Variants in NFYC observed in about 807,000 individuals in gnomAD.
The protein encoded by NFYC is nuclear transcription factor Y subunit gamma.
In NFYC, 25 loss-of-function variants were observed where a neutral mutation model predicts 53.1. The observed-to-expected ratio is 0.47, with a 90% confidence interval of 0.34 to 0.66. NFYC has a LOEUF of 0.66. NFYC is among the 30% of genes least tolerant of loss of function. The pLI is 0.01. For missense variants in NFYC, 260 were observed against 422.7 expected (o/e 0.62, Z 3.38); for synonymous variants, 145 against 152.6 (o/e 0.95, Z 0.37).
Position 40,747,802 on chromosome 1 carries a change from T to C in NFYC, c.177+197T>C, listed in dbSNP as rs150128766. ...GTTTTGGTTACTATATGGATCATCCTGAAAATTTTTTAGATGTTGAAAAAA... is the reference window on the plus strand; with the variant it reads ...GTTTTGGTTACTATATGGATCATCCCGAAAATTTTTTAGATGTTGAAAAAA... On this transcript the variant is annotated intron_variant, in intron 3 of 9. Coordinates refer to ENST00000447388, the MANE Select transcript of NFYC (RefSeq NM_014223.5). Among the ~76,000 whole-genome samples the C allele has an allele frequency of 9.9e-4, 150 of 151,860 alleles. 2 individuals are homozygous for C. In the East Asian group the frequency reaches 0.025, roughly 26 times the overall value.
At position 40,771,325 on chromosome 1, in the gene NFYC, C is replaced by T. The variant is rs1249316924; in HGVS notation, c.*497C>T. 15 of 402,358 alleles carry T rather than the reference C, an allele frequency of 3.7e-5. No homozygotes were observed. Among genetic ancestry groups the T allele is most frequent in the Middle Eastern group, 5.5e-4 (1 of 1,826 alleles). 24.9% of individuals were successfully genotyped at this position (402,358 alleles called of 1,614,324 possible). On this transcript the variant is annotated 3_prime_UTR_variant, in exon 10 of 10. Transcript: ENST00000447388. ...GAATGTGTGTAGCTGCTTTTTCACT[C>T]GTGGTCCTCTCCCCATCCCTTGCTC...
chr1:40,763,310 A>G (rs1342930062), intron 7 of NFYC: 2 of 473,302 alleles, frequency 4.2e-6, no homozygotes, highest in African/African-American at 2.0e-5. Context: ...ATACCTTGAT[A>G]TATATATAGA....
chr1:40,766,517 A>T, intron 7 of NFYC, 79 bp from the exon 8 acceptor site: 1 of 1,070,784 alleles, frequency 9.3e-7, no homozygotes, highest in Non-Finnish European at 1.4e-6. Context: ...GGCAATCAAC[A>T]TCTCTGGTCA....
intron 1 of NFYC, among the ~76,000 whole-genome samples, chr1:40,720,130 C>T (rs1644277116): frequency 1.3e-5 from 2 of 152,130 alleles, no homozygotes; most frequent in Non-Finnish European, 2.9e-5. Context: ...TGTCTCATTT[C>T]ATGTCGTTTT....
At chr1:40,769,494 T>C (rs1053894109) in intron 9 of NFYC, 79 bp downstream of exon 9, 8 of 1,230,420 alleles carry the variant, frequency 6.5e-6, no homozygotes, top group Non-Finnish European at 8.4e-6. Flanking sequence ...GTTTGGATGG[T>C]TAGGGCAACT....
chr1:40,768,169 G>A (rs1646913076), intron 8 of NFYC, among the ~76,000 whole-genome samples: 1 of 152,170 alleles, frequency 6.6e-6, no homozygotes, highest in Non-Finnish European at 1.5e-5. Context: ...TGAATAATAT[G>A]TAAATAAAAT....
chr1:40,702,209 A>G (rs11208725), intron 1 of NFYC, among the ~76,000 whole-genome samples: 43,157 of 152,108 alleles, frequency 0.28, 7,547 homozygotes, highest in East Asian at 0.41. Flanking sequence ...CTTAAGGTCC[A>G]TTTATTAGTT....
intron 1 of NFYC, among the ~76,000 whole-genome samples, chr1:40,711,234 A>G (rs967401232): frequency 3.9e-5 from 6 of 152,208 alleles, no homozygotes; most frequent in Non-Finnish European, 5.9e-5. Flanking sequence ...GTTTTGGGGA[A>G]TTAGAATGCT....
At chr1:40,769,579 CT>C (rs1646982923) in intron 9 of NFYC, among the ~76,000 whole-genome samples, 164 bp downstream of exon 9, 1 of 152,116 alleles carries the variant, frequency 6.6e-6, no homozygotes, top group African/African-American at 2.4e-5. Context: ...GGCACCTATC[CT>C]TTAGTTTTAT....
intron 6 of NFYC, among the ~76,000 whole-genome samples, chr1:40,762,525 T>C (rs553728827): frequency 2.0e-5 from 3 of 152,238 alleles, no homozygotes; most frequent in Admixed American, 6.5e-5. Flanking sequence ...CAGACTTGAC[T>C]TTGGCTATTT....
At position 40,728,881 on chromosome 1, in the gene NFYC, G is replaced by T. The variant is rs532903980; in HGVS notation, c.-8-9955G>T. Among the ~76,000 whole-genome samples the T allele has an allele frequency of 1.8e-3, 274 of 152,232 alleles. 1 individual carries two copies. The highest frequency in any genetic ancestry group is 6.3e-3 in the African/African-American group (263 of 41,556). ...TCGAACTCCTGACCTCAGGTTATCCGCCCGCCTTGGCCTCCCAAAGTGTTG... is the reference window on the plus strand; with the variant it reads ...TCGAACTCCTGACCTCAGGTTATCCTCCCGCCTTGGCCTCCCAAAGTGTTG... On this transcript the variant is annotated intron_variant, in intron 1 of 9. Coordinates refer to ENST00000447388, the MANE Select transcript of NFYC (RefSeq NM_014223.5).
Position 40,763,046 on chromosome 1 carries a change from G to T in NFYC, c.720G>T (p.Pro240=). Residue 240 remains proline (P), a splice_region_variant and synonymous_variant, in exon 7 of 10, where the codon CCG becomes CCT. Coordinates refer to ENST00000447388, the MANE Select transcript of NFYC (RefSeq NM_014223.5). The part of the protein sequence containing the change: ...ITNTGEIQQI[P]VQLNAGQLQY... ...ACACAGGAGAGATCCAGCAGATCCC[G>T]GTGAGTCCTGCCCTGAGGTCTGTCT... 6.3e-7 allele frequency: 1 copy of T among 1,593,004 alleles called. No individual in the cohort carries two copies. Among genetic ancestry groups the T allele is most frequent in the Non-Finnish European group, 8.6e-7 (1 of 1,167,508 alleles).
At chr1:40,767,017 C>T (rs1646847098) in intron 8 of NFYC, 12 of 1,534,648 alleles carry the variant, frequency 7.8e-6, no homozygotes, top group Non-Finnish European at 8.8e-6. Flanking sequence ...GACAGATCGC[C>T]TGATCGTCAG....
chr1:40,716,737 TATC>T (rs1644149849), intron 1 of NFYC, among the ~76,000 whole-genome samples: 3 of 152,182 alleles, frequency 2.0e-5, no homozygotes, highest in African/African-American at 7.2e-5. Flanking sequence ...GAACATTGGC[TATC>T]ATCATCATCG....
chr1:40,738,816 A>T lies in NFYC; in HGVS notation c.-8-20A>T. On this transcript the variant is annotated intron_variant, in intron 1 of 9. Coordinates refer to ENST00000447388, the MANE Select transcript of NFYC (RefSeq NM_014223.5). Reference sequence around the variant, plus strand: ...GACTTTATTGTTTCTAATGTGTCTTATGTATGTGTTTATTTTCAGTTGTCG... The same window carrying T: ...GACTTTATTGTTTCTAATGTGTCTTTTGTATGTGTTTATTTTCAGTTGTCG... 1 of 1,552,002 alleles carries T rather than the reference A, an allele frequency of 6.4e-7. No homozygotes were observed. The highest frequency in any genetic ancestry group is 2.2e-5 in the East Asian group (1 of 44,568).
rs963109140 is a variant in NFYC at position 40,721,013 on chromosome 1, GA to G, written c.-8-17817del. 3.3e-5 allele frequency among the ~76,000 whole-genome samples: 5 copies of G among 151,920 alleles called. No homozygotes were observed. In the South Asian group the frequency reaches 6.2e-4, roughly 19 times the overall value. On this transcript the variant is annotated intron_variant, in intron 1 of 9. Coordinates refer to ENST00000447388, the MANE Select transcript of NFYC (RefSeq NM_014223.5). ...GATTATGTTTGTCTTACAAACGGGG[GA>G]AAAAATAGGAGCATGAAAAATTTAA... is the stretch of plus-strand genomic sequence containing the variant.
intron 8 of NFYC, chr1:40,767,157 C>T (rs1195950969): frequency 1.5e-5 from 9 of 607,296 alleles, no homozygotes; most frequent in Non-Finnish European, 2.1e-5. Context: ...TTCTCCTCTC[C>T]TCTCGTGCCC....
At chr1:40,753,036 G>A in intron 4 of NFYC, 115 bp from the exon 5 acceptor site, 1 of 675,804 alleles carries the variant, frequency 1.5e-6, no homozygotes, top group South Asian at 1.7e-5. Context: ...CTGTAGACTT[G>A]CCCGTAGGTG....
At chr1:40,701,438 G>A (rs927848913) in intron 1 of NFYC, among the ~76,000 whole-genome samples, 2 of 152,174 alleles carry the variant, frequency 1.3e-5, no homozygotes, top group Middle Eastern at 6.3e-3. Flanking sequence ...TTGCTTCTGG[G>A]CTGCTGCTAT....
Sources: gnomAD v4.1 joint callset for allele counts (sites outside exome capture counted in the v4.1 genomes callset) on GRCh38, gnomAD v4.1.1 for gene constraint, MANE v1.5 for transcripts, NCBI Gene and HGNC (gene_info 2026-07-23, HGNC 2026-07-21) for gene names.